AP3B1: variants seen among roughly 807,000 people sequenced by gnomAD.
AP3B1 encodes adaptor related protein complex 3 subunit beta 1, also known as AP-3 complex subunit beta-1.
Under a neutral mutation model 132.5 loss-of-function variants are expected in AP3B1, and 61 were observed. That is an observed-to-expected ratio of 0.46 (90% CI 0.37 to 0.57). The LOEUF (loss-of-function observed/expected upper bound fraction) is 0.57. AP3B1 is among the 20% of genes least tolerant of loss of function. The probability of loss-of-function intolerance (pLI) is 0.00; values close to 1 mark genes in which losing one functional copy is unlikely to be tolerated. For synonymous variants in AP3B1, 388 were observed against 438.3 expected, an observed-to-expected ratio of 0.89 and a Z score of 1.43; for missense variants, 1,120 against 1,289.4, an observed-to-expected ratio of 0.87 and a Z score of 2.01.
In AP3B1 at chr5:78,032,964, A is replaced by G. The variant is rs370557165; in HGVS notation, c.2894+1397T>C. Among the ~76,000 whole-genome samples, 23 of 152,264 alleles carry G rather than the reference A, an allele frequency of 1.5e-4. 4 individuals are homozygous for G. Among genetic ancestry groups the G allele is most frequent in the East Asian group, 1.2e-3 (6 of 5,192 alleles). ...GACTTAGTTAATTATGAAAGACAAA[A>G]TGCAAATCCTGTTCAAGAGACTATA... On this transcript the variant is annotated intron_variant, in intron 24 of 26. Transcript: ENST00000255194.
intron 2 of AP3B1, among the ~76,000 whole-genome samples, chr5:78,257,565 G>A (rs1747898472): frequency 6.6e-6 from 1 of 152,158 alleles, no homozygotes; most frequent in Non-Finnish European, 1.5e-5. Context: ...TGGCCTGGAA[G>A]GCTCAATATT....
At chr5:78,136,236 G>A (rs994989147) in intron 15 of AP3B1, among the ~76,000 whole-genome samples, 2 of 152,142 alleles carry the variant, frequency 1.3e-5, no homozygotes, top group Non-Finnish European at 2.9e-5. Flanking sequence ...GCACTATTAT[G>A]TGCAAGGAAA....
chr5:78,010,696 C>T (rs1046526594), intron 26 of AP3B1, among the ~76,000 whole-genome samples: 7 of 152,094 alleles, frequency 4.6e-5, no homozygotes, highest in African/African-American at 1.7e-4. Context: ...CCACAGCTAA[C>T]GCCTCTAATC....
intron 22 of AP3B1, among the ~76,000 whole-genome samples, chr5:78,061,302 G>A (rs1749045648): frequency 6.6e-6 from 1 of 152,150 alleles, no homozygotes; most frequent in African/African-American, 2.4e-5. Context: ...ATTTCTGATA[G>A]TTTCCTTTCA....
chr5:78,285,301 C>T (rs908534351), intron 1 of AP3B1, among the ~76,000 whole-genome samples: 3 of 152,078 alleles, frequency 2.0e-5, no homozygotes, highest in Non-Finnish European at 4.4e-5. Flanking sequence ...CTCTCTTGAG[C>T]CCACTCATGA....
intron 7 of AP3B1, among the ~76,000 whole-genome samples, chr5:78,184,131 T>A (rs1234123265): frequency 1.3e-5 from 2 of 150,904 alleles, no homozygotes; most frequent in Non-Finnish European, 2.9e-5. Flanking sequence ...ATTGCGCCAC[T>A]GCACTCCAGC....
intron 24 of AP3B1, among the ~76,000 whole-genome samples, chr5:78,022,801 AT>A (rs1561358602): frequency 6.6e-6 from 1 of 152,120 alleles, no homozygotes; most frequent in Non-Finnish European, 1.5e-5. Context: ...TCTAGGCAGG[AT>A]TTTGATTTTT....
chr5:78,202,539 A>G (rs958756076), intron 7 of AP3B1, among the ~76,000 whole-genome samples: 5 of 140,188 alleles, frequency 3.6e-5, no homozygotes, highest in African/African-American at 1.3e-4. Flanking sequence ...CACTAAACAT[A>G]TGCCATATAT....
chr5:78,060,765 G>C (rs1749012960), intron 22 of AP3B1, among the ~76,000 whole-genome samples: 1 of 151,134 alleles, frequency 6.6e-6, no homozygotes, highest in Admixed American at 6.6e-5. Context: ...GAAATATTCA[G>C]GTTTTTGAAA....
At chr5:78,251,874 A>C (rs1194003336) in intron 2 of AP3B1, among the ~76,000 whole-genome samples, 1 of 152,196 alleles carries the variant, frequency 6.6e-6, no homozygotes, top group South Asian at 2.1e-4. Flanking sequence ...TGCTGACATT[A>C]TCTCTCCTAA....
At chr5:78,043,747 GA>G in intron 22 of AP3B1, 29 of 400,150 alleles carry the variant, frequency 7.2e-5, no homozygotes, top group East Asian at 1.3e-4. Context: ...AAGGTAGGCA[GA>G]AAAAAAGGCA....
intron 6 of AP3B1, among the ~76,000 whole-genome samples, chr5:78,218,691 C>T (rs1233037781): frequency 6.6e-6 from 1 of 152,090 alleles, no homozygotes; most frequent in African/African-American, 2.4e-5. Context: ...GGGTACAAAA[C>T]GTTTCCTTGC....
At chr5:78,122,553 C>T (rs1024463220) in intron 17 of AP3B1, among the ~76,000 whole-genome samples, 83 of 152,094 alleles carry the variant, frequency 5.5e-4, no homozygotes, top group South Asian at 2.1e-4. Context: ...ACACCAATAA[C>T]GGACAAACAG....
chr5:78,259,956 C>A (rs1748014194), intron 2 of AP3B1, among the ~76,000 whole-genome samples: 1 of 150,690 alleles, frequency 6.6e-6, no homozygotes. Context: ...GGCAACAGAG[C>A]AAGACTCCAT....
intron 21 of AP3B1, among the ~76,000 whole-genome samples, chr5:78,095,791 C>G (rs760555304): frequency 5.9e-5 from 9 of 152,176 alleles, no homozygotes; most frequent in Admixed American, 1.3e-4. Flanking sequence ...ACAGGCTGAA[C>G]TGACTTGTTA....
At chr5:78,173,244 A>T (rs886974566) in intron 11 of AP3B1, among the ~76,000 whole-genome samples, 1 of 152,092 alleles carries the variant, frequency 6.6e-6, no homozygotes, top group Admixed American at 6.6e-5. Context: ...TTGATTTGGG[A>T]TGGAGGGTTC....
At chr5:78,117,030 T>A (rs10042222) in intron 17 of AP3B1, among the ~76,000 whole-genome samples, 1 of 151,924 alleles carries the variant, frequency 6.6e-6, no homozygotes, top group Non-Finnish European at 1.5e-5. Flanking sequence ...CCCCGTCGCC[T>A]GCCTCTCTCA....
chr5:78,190,928 C>T lies in AP3B1; in HGVS notation c.787-9266G>A, dbSNP rs181079929. ...AAAATTATCCCTCAGAAAGAAGTTG[C>T]CTCATACTTGAGGATTTATAAATGT... is the stretch of plus-strand genomic sequence containing the variant. On this transcript the variant is annotated intron_variant, in intron 7 of 26. Coordinates refer to ENST00000255194, the MANE Select transcript of AP3B1 (RefSeq NM_003664.5). 2.8e-4 allele frequency among the ~76,000 whole-genome samples: 42 copies of T among 152,224 alleles called. No individual in the cohort carries two copies. In the East Asian group the frequency reaches 8.1e-3, roughly 29 times the overall value.
intron 21 of AP3B1, among the ~76,000 whole-genome samples, chr5:78,096,421 C>T (rs918738782): frequency 2.0e-5 from 3 of 152,122 alleles, no homozygotes; most frequent in South Asian, 4.1e-4. Flanking sequence ...GCAGCCTCTG[C>T]CCGGCCGCCA....
Sources: gnomAD v4.1 joint callset for allele counts (sites outside exome capture counted in the v4.1 genomes callset) on GRCh38, gnomAD v4.1.1 for gene constraint, MANE v1.5 for transcripts, NCBI Gene and HGNC (gene_info 2026-07-23, HGNC 2026-07-21) for gene names.